Variants in HECW1 observed in about 807,000 individuals in gnomAD.
The protein encoded by HECW1 is E3 ubiquitin-protein ligase HECW1.
A neutral mutation model predicts 182.3 loss-of-function variants in HECW1; 61 were observed. The ratio of observed to expected loss-of-function variants is 0.33; its 90% confidence interval spans 0.27 to 0.41. HECW1 has a LOEUF of 0.41. Ranked by LOEUF, HECW1 falls within the 10% of genes least tolerant of loss-of-function variation. HECW1 has a pLI of 1.00. For synonymous variants in HECW1, 859 were observed against 832.6 expected (o/e 1.03, Z -0.55); for missense variants, 1,739 against 2,108.9 (o/e 0.82, Z 3.44).
chr7:43,225,781 C>T (rs1345397797), intron 2 of HECW1, among the ~76,000 whole-genome samples: 1 of 151,950 alleles, frequency 6.6e-6, no homozygotes, highest in East Asian at 1.9e-4. Context: ...TGATTATTAA[C>T]TGAATAGATC....
chr7:43,153,078 G>A (rs907507920), intron 2 of HECW1, among the ~76,000 whole-genome samples: 7 of 152,082 alleles, frequency 4.6e-5, no homozygotes, highest in African/African-American at 1.4e-4. Context: ...GGCTTCTCTC[G>A]AGTTCTAGAA....
chr7:43,362,460 A>G lies in HECW1; in HGVS notation c.555+1480A>G, dbSNP rs1816086779. ...CTTCGCTGTTTTTCCCTCACTGGCC[A>G]TGCAGATTGGAACGTGATTCCTGTC... On this transcript the variant is annotated intron_variant, in intron 6 of 29. Coordinates refer to ENST00000395891, the MANE Select transcript of HECW1 (RefSeq NM_015052.5). Among the ~76,000 whole-genome samples, 5 of 152,306 alleles carry G rather than the reference A, an allele frequency of 3.3e-5. 1 individual carries two copies. The highest frequency in any genetic ancestry group is 6.8e-3 in the Middle Eastern group (2 of 294).
chr7:43,272,768 C>T (rs1272043276), intron 3 of HECW1, among the ~76,000 whole-genome samples: 2 of 152,044 alleles, frequency 1.3e-5, no homozygotes, highest in African/African-American at 4.8e-5. Flanking sequence ...TGGAGATTTC[C>T]AAAAGAACTT....
chr7:43,525,523 G>A (rs909168239), intron 24 of HECW1, among the ~76,000 whole-genome samples: 1 of 152,142 alleles, frequency 6.6e-6, no homozygotes, highest in African/African-American at 2.4e-5. Context: ...GGAGGGGTGG[G>A]CCCATTGTAA....
chr7:43,374,651 GTAGTCCCAGC>G lies in HECW1; in HGVS notation c.555+13674_555+13683del, dbSNP rs1218051704. ...TAGCCGGGCGCAGTGGCGGGCGCCT[GTAGTCCCAGC>G]TACTTGGGAAGCTGAGGCAGGAGAA... On this transcript the variant is annotated intron_variant, in intron 6 of 29. Transcript: ENST00000395891. Among the ~76,000 whole-genome samples, 3 of 106,952 alleles carry G rather than the reference GTAGTCCCAGC, an allele frequency of 2.8e-5. 1 individual carries two copies. The highest frequency in any genetic ancestry group is 5.3e-5 in the Non-Finnish European group (3 of 56,452). 70.2% of individuals were successfully genotyped at this position (106,952 alleles called of 152,430 possible).
chr7:43,180,405 A>T (rs1449139653), intron 2 of HECW1, among the ~76,000 whole-genome samples: 6 of 151,218 alleles, frequency 4.0e-5, no homozygotes, highest in Non-Finnish European at 7.4e-5. Context: ...TTGTATTTTT[A>T]TTTTTTTTGA....
chr7:43,502,148 T>C (rs1459845546), intron 21 of HECW1, among the ~76,000 whole-genome samples: 1 of 152,240 alleles, frequency 6.6e-6, no homozygotes, highest in East Asian at 1.9e-4. Context: ...CATTCTGCCT[T>C]GTGACTCTGA....
At chr7:43,435,434 A>C (rs2076679736) in intron 8 of HECW1, among the ~76,000 whole-genome samples, 1 of 152,144 alleles carries the variant, frequency 6.6e-6, no homozygotes, top group African/African-American at 2.4e-5. Flanking sequence ...AGTTCTTAGG[A>C]GTTATATAGG....
At chr7:43,345,069 C>G (rs1813502842) in intron 5 of HECW1, among the ~76,000 whole-genome samples, 1 of 152,160 alleles carries the variant, frequency 6.6e-6, no homozygotes, top group African/African-American at 2.4e-5. Context: ...TCAGCAAAGA[C>G]TGGAAACAGG....
At chr7:43,449,036 G>T (rs992986341) in intron 11 of HECW1, among the ~76,000 whole-genome samples, 2 of 152,216 alleles carry the variant, frequency 1.3e-5, no homozygotes, top group Non-Finnish European at 1.5e-5. Context: ...GGGATCAGCT[G>T]CATTAACCCC....
At chr7:43,518,868 G>T (rs1385958314) in intron 24 of HECW1, among the ~76,000 whole-genome samples, 1 of 152,090 alleles carries the variant, frequency 6.6e-6, no homozygotes, top group Non-Finnish European at 1.5e-5. Flanking sequence ...ATTTTTGGAG[G>T]GGACATAAGT....
At chr7:43,135,095 G>A (rs1787382533) in intron 2 of HECW1, among the ~76,000 whole-genome samples, 1 of 151,926 alleles carries the variant, frequency 6.6e-6, no homozygotes, top group Admixed American at 6.6e-5. Context: ...TGTTGTTATA[G>A]GCTGTTATCT....
intron 5 of HECW1, among the ~76,000 whole-genome samples, 198 bp from the exon 6 acceptor site, chr7:43,360,688 C>T (rs1815758466): frequency 6.6e-6 from 1 of 152,024 alleles, no homozygotes; most frequent in South Asian, 2.1e-4. Context: ...ATGTTAAGGC[C>T]AGAACAATTT....
At chr7:43,381,636 G>A (rs962310723) in intron 6 of HECW1, among the ~76,000 whole-genome samples, 6 of 151,804 alleles carry the variant, frequency 4.0e-5, no homozygotes, top group Non-Finnish European at 7.4e-5. Context: ...TCTCTCTCCT[G>A]TCTCAACCTC....
At chr7:43,237,136 AGGAAGTAGGTAGGTAGGTAG>A (rs562459497) in intron 2 of HECW1, among the ~76,000 whole-genome samples, 7,650 of 146,632 alleles carry the variant, frequency 0.052, 262 homozygotes, top group Middle Eastern at 0.12. Context: ...GAAGGAAGGA[AGGAAGTAGGTAGGTAGGTAG>A]GTAGGTAGGT....
intron 2 of HECW1, among the ~76,000 whole-genome samples, chr7:43,181,942 G>A (rs1156635739): frequency 6.6e-6 from 1 of 150,522 alleles, no homozygotes; most frequent in African/African-American, 2.5e-5. Flanking sequence ...TGCCCACCAC[G>A]CCCGGCTAAT....
intron 7 of HECW1, 113 bp from the exon 8 acceptor site, chr7:43,407,449 T>A (rs1425672829): frequency 1.3e-6 from 1 of 743,498 alleles, no homozygotes; most frequent in Non-Finnish European, 2.2e-6. Flanking sequence ...TGAGTAACAC[T>A]AGAGATCTAG....
At chr7:43,260,177 A>G (rs993303450) in intron 3 of HECW1, among the ~76,000 whole-genome samples, 2 of 152,258 alleles carry the variant, frequency 1.3e-5, no homozygotes, top group African/African-American at 4.8e-5. Context: ...CAGTTGAGAA[A>G]GAATTTGTGG....
At chr7:43,152,571 TTTG>T (rs956522271) in intron 2 of HECW1, among the ~76,000 whole-genome samples, 6 of 152,180 alleles carry the variant, frequency 3.9e-5, no homozygotes, top group African/African-American at 9.7e-5. Flanking sequence ...ACAATATTGC[TTTG>T]TTGTTGTTGT....
Sources: allele counts gnomAD v4.1 joint callset (sites outside exome capture counted in the v4.1 genomes callset), GRCh38; gene constraint gnomAD v4.1.1; transcripts MANE v1.5; gene names NCBI Gene and HGNC (gene_info 2026-07-23, HGNC 2026-07-21).